RPRD1A: variants seen among roughly 807,000 people sequenced by gnomAD.
The protein encoded by RPRD1A is regulation of nuclear pre-mRNA domain containing 1A.
A neutral mutation model predicts 37.8 loss-of-function variants in RPRD1A; 9 were observed. That is an observed-to-expected ratio of 0.24 (90% CI 0.14 to 0.42). The LOEUF is 0.42. RPRD1A is among the 10% of genes least tolerant of loss of function. The probability of loss-of-function intolerance (pLI) is 1.00; values close to 1 mark genes in which losing one functional copy is unlikely to be tolerated. For missense variants in RPRD1A, 255 were observed against 371.0 expected (o/e 0.69, Z 2.57); for synonymous variants, 138 against 139.7 (o/e 0.99, Z 0.08).
chr18:36,013,263 G>C (rs1910292651), intron 6 of RPRD1A, among the ~76,000 whole-genome samples: 1 of 152,090 alleles, frequency 6.6e-6, no homozygotes, highest in East Asian at 1.9e-4. Flanking sequence ...TAGACAAGCA[G>C]AGTTCTCATG....
chr18:36,009,400 G>A lies in RPRD1A; in HGVS notation c.790-16100C>T, dbSNP rs117165225. ...GGAGGGGTTTACCCGCCATTCCACT[G>A]CAATGGAGTCACTGTGTGTTGTTCC... On this transcript the variant is annotated intron_variant, in intron 6 of 6. Coordinates refer to ENST00000399022, the MANE Select transcript of RPRD1A (RefSeq NM_018170.5). Among the ~76,000 whole-genome samples, 725 of 152,276 alleles carry A rather than the reference G, an allele frequency of 4.8e-3. 3 individuals are homozygous for A. Among genetic ancestry groups the A allele is most frequent in the Non-Finnish European group, 8.0e-3 (544 of 68,010 alleles).
At chr18:36,044,574 G>A (rs919718949) in intron 1 of RPRD1A, among the ~76,000 whole-genome samples, 10 of 152,074 alleles carry the variant, frequency 6.6e-5, no homozygotes, top group African/African-American at 2.4e-4. Context: ...TGTAATCCCA[G>A]CTACTCAGGA....
intron 6 of RPRD1A, among the ~76,000 whole-genome samples, chr18:36,006,134 T>C (rs944703597): frequency 2.0e-5 from 3 of 152,220 alleles, no homozygotes; most frequent in African/African-American, 7.2e-5. Flanking sequence ...ATAAGTATTA[T>C]GTTATGATTA....
In RPRD1A at chr18:36,033,299, C is replaced by CA. The variant is rs71166085; in HGVS notation, c.281+408dup. Among the ~76,000 whole-genome samples, 464 of 75,922 alleles carry CA rather than the reference C, an allele frequency of 6.1e-3. 36 individuals carry two copies. Among genetic ancestry groups the CA allele is most frequent in the African/African-American group, 0.024 (408 of 17,192 alleles). 49.8% of individuals were successfully genotyped at this position (75,922 alleles called of 152,430 possible). ...CCTGGGTGAGAGTGAGACTCTGTCT[C>CA]AAAAAAAAAAAAAAAAAAAAAAAAA... On this transcript the variant is annotated intron_variant, in intron 2 of 6. Transcript: ENST00000399022.
chr18:36,042,904 G>A (rs1270712353), intron 1 of RPRD1A, among the ~76,000 whole-genome samples: 1 of 152,010 alleles, frequency 6.6e-6, no homozygotes, highest in Non-Finnish European at 1.5e-5. Flanking sequence ...AAACATAAAT[G>A]CACATACCTT....
chr18:36,015,497 C>G (rs561518971), intron 6 of RPRD1A, among the ~76,000 whole-genome samples: 2 of 152,142 alleles, frequency 1.3e-5, no homozygotes, highest in Non-Finnish European at 2.9e-5. Context: ...CCACCATGCC[C>G]GGCCTCAAAG....
rs143123179 is a variant in RPRD1A, at chr18:36,005,718, G to A, written c.790-12418C>T. ...TATACAATTTATTCAAGTTCATAGAGTAACTTCTAGAACCCGTAACTCCCA... is the reference window on the plus strand; with the variant it reads ...TATACAATTTATTCAAGTTCATAGAATAACTTCTAGAACCCGTAACTCCCA... On this transcript the variant is annotated intron_variant, in intron 6 of 6. Coordinates refer to ENST00000399022, the MANE Select transcript of RPRD1A (RefSeq NM_018170.5). Among the ~76,000 whole-genome samples the A allele has an allele frequency of 3.3e-3, 500 of 152,182 alleles. 1 individual carries two copies. Among genetic ancestry groups the A allele is most frequent in the African/African-American group, 0.012 (487 of 41,558 alleles).
At chr18:36,033,975 T>C in intron 1 of RPRD1A, 138 bp from the exon 2 acceptor site, 1 of 633,976 alleles carries the variant, frequency 1.6e-6, no homozygotes, top group South Asian at 3.0e-5. Context: ...TAGTCTCTCA[T>C]TTTACTACCA....
chr18:35,993,218 C>A lies in RPRD1A; in HGVS notation c.872G>T (p.Arg291Leu). ...SRIQSLPDLS[R>L]LPNVTGSHMH... ...GTGGCTGCCAGTGACATTGGGCAAT[C>A]GAGATAAGTCTGGCAGGCTCTGGAT... Residue 291 changes from arginine to leucine, a missense_variant, in exon 7 of 7, where the codon CGA becomes CTA. This residue lies in a region of RPRD1A where 211 missense variants were observed against 268.9 expected (regional missense o/e 0.78). Coordinates refer to ENST00000399022, the MANE Select transcript of RPRD1A (RefSeq NM_018170.5). The A allele has an allele frequency of 6.2e-7, 1 of 1,614,150 alleles. No individual in the cohort carries two copies. The highest frequency in any genetic ancestry group is 8.5e-7 in the Non-Finnish European group (1 of 1,180,020).
chr18:36,022,415 T>C (rs756388212), intron 6 of RPRD1A, among the ~76,000 whole-genome samples: 1 of 152,176 alleles, frequency 6.6e-6, no homozygotes, highest in Non-Finnish European at 1.5e-5. Context: ...CCTGGGACTT[T>C]CATAGCTAGA....
At chr18:36,047,895 G>C (rs930466935) in intron 1 of RPRD1A, among the ~76,000 whole-genome samples, 1 of 151,996 alleles carries the variant, frequency 6.6e-6, no homozygotes, top group South Asian at 2.1e-4. Context: ...TTTACCAAAT[G>C]TTTAAAGAAT....
chr18:36,027,822 G>A (rs1285751362), intron 4 of RPRD1A: 1 of 152,672 alleles, frequency 6.5e-6, no homozygotes, highest in Admixed American at 6.5e-5. Flanking sequence ...TAAAGCCCAA[G>A]AGAAATGTAG....
chr18:36,024,164 CGT>C, intron 6 of RPRD1A, among the ~76,000 whole-genome samples: 1 of 151,752 alleles, frequency 6.6e-6, no homozygotes, highest in Non-Finnish European at 1.5e-5. Context: ...CGCGCACGCG[CGT>C]GATGGAGTCT....
chr18:36,044,916 T>C (rs910654523), intron 1 of RPRD1A, among the ~76,000 whole-genome samples: 1 of 151,602 alleles, frequency 6.6e-6, no homozygotes, highest in African/African-American at 2.4e-5. Context: ...TACAAACATA[T>C]ACAAATCCAT....
intron 6 of RPRD1A, 107 bp downstream of exon 6, chr18:36,026,793 G>T (rs999478911): frequency 1.1e-6 from 1 of 949,674 alleles, no homozygotes; most frequent in East Asian, 2.7e-5. Flanking sequence ...GCTTAAAAAG[G>T]TCTATGTTAA....
At chr18:36,015,440 C>T (rs1288034899) in intron 6 of RPRD1A, among the ~76,000 whole-genome samples, 1 of 151,878 alleles carries the variant, frequency 6.6e-6, no homozygotes, top group Non-Finnish European at 1.5e-5. Context: ...CTCAAACTCC[C>T]GACATAAAAT....
chr18:36,044,072 CTAT>C (rs1406571980), intron 1 of RPRD1A, among the ~76,000 whole-genome samples: 9 of 152,088 alleles, frequency 5.9e-5, no homozygotes, highest in Non-Finnish European at 1.2e-4. Context: ...AAGAAAACAT[CTAT>C]TATTAAGTGG....
At chr18:36,043,195 T>TCGG (rs1447277403) in intron 1 of RPRD1A, among the ~76,000 whole-genome samples, 4 of 50,048 alleles carry the variant, frequency 8.0e-5, no homozygotes, top group African/African-American at 4.6e-4. Flanking sequence ...TCAAGAAGAA[T>TCGG]CGGGGGGGGG....
chr18:36,039,840 A>G (rs922733783), intron 1 of RPRD1A, among the ~76,000 whole-genome samples: 1 of 143,270 alleles, frequency 7.0e-6, no homozygotes, highest in Non-Finnish European at 1.5e-5. Flanking sequence ...AGGAAATTGA[A>G]TAAGGAAACA....
Sources: gnomAD v4.1 joint callset for allele counts (sites outside exome capture counted in the v4.1 genomes callset) on GRCh38, gnomAD v4.1.1 for gene constraint, gnomAD v4.1.1 regional missense constraint, MANE v1.5 for transcripts, NCBI Gene and HGNC (gene_info 2026-07-23, HGNC 2026-07-21) for gene names.